AGMO: variants seen among roughly 807,000 people sequenced by gnomAD.
AGMO encodes the protein alkylglycerol monooxygenase, also known as glyceryl-ether monooxygenase.
AGMO carries 75 observed loss-of-function variants against 60.2 expected under a neutral mutation model. The ratio of observed to expected loss-of-function variants is 1.25; its 90% CI spans 1.03 to 1.51. The LOEUF (loss-of-function observed/expected upper bound fraction) is 1.51. Among genes scored for constraint, AGMO ranks in the 40% most tolerant of loss-of-function variants. AGMO has a pLI of 0.00. For synonymous variants in AGMO, 261 were observed against 177.1 expected, an observed-to-expected ratio of 1.47 and a Z score of -3.76; for missense variants, 763 against 525.5, an observed-to-expected ratio of 1.45 and a Z score of -4.42.
chr7:15,261,015 C>T (rs1370591098), intron 12 of AGMO, among the ~76,000 whole-genome samples: 1 of 151,868 alleles, frequency 6.6e-6, no homozygotes, highest in Non-Finnish European at 1.5e-5. Context: ...ACAGCAAAAG[C>T]AGAGCTAAGA....
intron 3 of AGMO, among the ~76,000 whole-genome samples, chr7:15,477,112 C>G (rs371839086): frequency 2.7e-5 from 4 of 150,546 alleles, no homozygotes; most frequent in Non-Finnish European, 5.9e-5. Context: ...CTATCACAGA[C>G]TATTTATTTT....
intron 3 of AGMO, among the ~76,000 whole-genome samples, chr7:15,436,481 T>C (rs1424271321): frequency 2.0e-5 from 3 of 152,186 alleles, no homozygotes; most frequent in Admixed American, 1.3e-4. Context: ...GGAGCTTTCA[T>C]GACCTAAACA....
the AGMO span, among the ~76,000 whole-genome samples, chr7:15,193,419 A>T: frequency 1.3e-5 from 2 of 152,134 alleles, no homozygotes; most frequent in Non-Finnish European, 2.9e-5. Flanking sequence ...CAAGCTGTGA[A>T]ATTATGGCTT....
chr7:15,536,170 G>A (rs776805458), intron 3 of AGMO, among the ~76,000 whole-genome samples: 3 of 151,776 alleles, frequency 2.0e-5, no homozygotes, highest in Non-Finnish European at 4.4e-5. Flanking sequence ...AAAATCTTAT[G>A]AGATGTATAC....
chr7:15,179,137 T>C, the AGMO span, among the ~76,000 whole-genome samples: 1 of 152,124 alleles, frequency 6.6e-6, no homozygotes. Context: ...CTTCCGAAAC[T>C]CATGTCCTTC....
At chr7:15,387,632 T>C (rs1583491806) in intron 8 of AGMO, 92 bp from the exon 9 acceptor site, 1 of 1,137,072 alleles carries the variant, frequency 8.8e-7, no homozygotes, top group East Asian at 2.6e-5. Flanking sequence ...TTGTTCAAGG[T>C]AATTTACGTA....
At chr7:15,248,222 A>ATATATATATATATCTATCTATC (rs1554401294) in intron 12 of AGMO, among the ~76,000 whole-genome samples, 1 of 104,210 alleles carries the variant, frequency 9.6e-6, no homozygotes, top group Admixed American at 9.4e-5. Context: ...ATATATATAT[A>ATATATATATATATCTATCTATC]TATCTTCATC....
intron 3 of AGMO, among the ~76,000 whole-genome samples, chr7:15,528,181 A>G (rs1216946324): frequency 6.6e-6 from 1 of 152,140 alleles, no homozygotes; most frequent in African/African-American, 2.4e-5. Flanking sequence ...GAAGGCCCTG[A>G]TGATCATTAG....
At chr7:15,362,927 G>T (rs1278580688) in intron 12 of AGMO, among the ~76,000 whole-genome samples, 3 of 152,162 alleles carry the variant, frequency 2.0e-5, no homozygotes, top group African/African-American at 4.8e-5. Flanking sequence ...GAGTTATAGT[G>T]TCAGACTTCC....
chr7:15,280,714 C>A (rs1019487898), intron 12 of AGMO, among the ~76,000 whole-genome samples: 4 of 152,170 alleles, frequency 2.6e-5, no homozygotes, highest in African/African-American at 9.7e-5. Context: ...GGTAGAATAA[C>A]CTACACCCAG....
At chr7:15,443,289 AT>A (rs2128502912) in intron 3 of AGMO, among the ~76,000 whole-genome samples, 1 of 152,240 alleles carries the variant, frequency 6.6e-6, no homozygotes, top group Admixed American at 6.5e-5. Flanking sequence ...AGCTGTAAAC[AT>A]TCACCCCTAG....
intron 12 of AGMO, among the ~76,000 whole-genome samples, chr7:15,228,477 G>T (rs1050417491): frequency 6.6e-6 from 1 of 152,104 alleles, no homozygotes; most frequent in Non-Finnish European, 1.5e-5. Flanking sequence ...AACAAAATGG[G>T]CTGGAGAAAT....
the AGMO span, among the ~76,000 whole-genome samples, chr7:15,141,760 A>C: frequency 6.6e-6 from 1 of 152,320 alleles, no homozygotes; most frequent in South Asian, 2.1e-4. Context: ...CGAATCTATT[A>C]TTTGGGCTAA....
chr7:15,140,802 T>C, the AGMO span, among the ~76,000 whole-genome samples: 1 of 152,216 alleles, frequency 6.6e-6, no homozygotes, highest in Non-Finnish European at 1.5e-5. Flanking sequence ...TTTACATTTT[T>C]ACCTAAACAT....
chr7:15,476,922 T>G (rs942012771), intron 3 of AGMO, among the ~76,000 whole-genome samples: 9 of 152,096 alleles, frequency 5.9e-5, no homozygotes, highest in African/African-American at 2.2e-4. Context: ...TGCTTGCTAG[T>G]TGATCTAGAA....
intron 12 of AGMO, among the ~76,000 whole-genome samples, chr7:15,266,118 A>AG (rs2128511400): frequency 6.6e-6 from 1 of 152,164 alleles, no homozygotes; most frequent in South Asian, 2.1e-4. Context: ...GGTGGTTGAC[A>AG]GGGGATCAGG....
chr7:15,255,047 T>C (rs902357780), intron 12 of AGMO, among the ~76,000 whole-genome samples: 2 of 152,318 alleles, frequency 1.3e-5, no homozygotes, highest in East Asian at 3.9e-4. Flanking sequence ...GATGAGTTCA[T>C]GTCCTTCGCA....
chr7:15,164,555 G>C, the AGMO span, among the ~76,000 whole-genome samples: 1 of 151,882 alleles, frequency 6.6e-6, no homozygotes, highest in African/African-American at 2.4e-5. Context: ...CCCATTAAAA[G>C]GTAGGAAAGG....
intron 10 of AGMO, among the ~76,000 whole-genome samples, chr7:15,371,355 G>C (rs925534778): frequency 1.3e-5 from 2 of 151,830 alleles, no homozygotes; most frequent in East Asian, 1.9e-4. Context: ...GAGGTAGCTG[G>C]GACTACAGGC....
Sources: allele counts gnomAD v4.1 joint callset (sites outside exome capture counted in the v4.1 genomes callset), GRCh38; gene constraint gnomAD v4.1.1; transcripts MANE v1.5; gene names NCBI Gene and HGNC (gene_info 2026-07-23, HGNC 2026-07-21).